The following TBC1D32 variants were observed in gnomAD, a reference collection of about 807,000 sequenced individuals.
TBC1D32 encodes TBC1 domain family member 32.
A neutral mutation model predicts 170.3 loss-of-function variants in TBC1D32; 151 were observed. That is an observed-to-expected ratio of 0.89 (90% CI 0.78 to 1.01). TBC1D32 has a LOEUF of 1.01. Among genes scored for constraint, TBC1D32 ranks in the 50% least tolerant of loss-of-function variants. The pLI is 0.00. For missense variants in TBC1D32, 1,464 were observed against 1,457.1 expected, an observed-to-expected ratio of 1.00 and a Z score of -0.08; for synonymous variants, 498 against 488.0, an observed-to-expected ratio of 1.02 and a Z score of -0.27.
chr6:121,134,692 T>C (rs1781841026), intron 24 of TBC1D32, among the ~76,000 whole-genome samples: 1 of 152,178 alleles, frequency 6.6e-6, no homozygotes, highest in Admixed American at 6.5e-5. Flanking sequence ...TATGAAATGA[T>C]GTGATATGAT....
At chr6:121,297,005 C>T (rs933381827) in intron 10 of TBC1D32, among the ~76,000 whole-genome samples, 1 of 152,064 alleles carries the variant, frequency 6.6e-6, no homozygotes, top group African/African-American at 2.4e-5. Context: ...TCACCATCCA[C>T]TTACTTACAC....
At chr6:121,154,637 C>CA (rs1368664466) in intron 24 of TBC1D32, among the ~76,000 whole-genome samples, 2 of 151,990 alleles carry the variant, frequency 1.3e-5, no homozygotes, top group African/African-American at 2.4e-5. Context: ...TAGGCTTTGG[C>CA]AAAAAACTTA....
intron 10 of TBC1D32, 62 bp downstream of exon 10, chr6:121,299,384 A>G: frequency 7.0e-7 from 1 of 1,421,702 alleles, no homozygotes; most frequent in Non-Finnish European, 9.5e-7. Flanking sequence ...TAGTCAAGTT[A>G]TTACATCATA....
intron 20 of TBC1D32, among the ~76,000 whole-genome samples, chr6:121,223,723 G>A (rs1794771575): frequency 6.6e-6 from 1 of 152,040 alleles, no homozygotes; most frequent in Non-Finnish European, 1.5e-5. Context: ...TAGGGACTCT[G>A]GGGCAAGATA....
At chr6:121,084,695 T>C (rs1462246188) in intron 31 of TBC1D32, among the ~76,000 whole-genome samples, 1 of 152,180 alleles carries the variant, frequency 6.6e-6, no homozygotes, top group Non-Finnish European at 1.5e-5. Flanking sequence ...TACTAATTTT[T>C]AGCAGAAATT....
chr6:121,103,658 C>A (rs1363454420), intron 30 of TBC1D32, among the ~76,000 whole-genome samples: 1 of 151,732 alleles, frequency 6.6e-6, no homozygotes, highest in Non-Finnish European at 1.5e-5. Context: ...GGGTGCAGAA[C>A]ACCAACATGG....
intron 22 of TBC1D32, among the ~76,000 whole-genome samples, chr6:121,178,723 C>T (rs1678647933): frequency 6.6e-6 from 1 of 152,144 alleles, no homozygotes; most frequent in Non-Finnish European, 1.5e-5. Context: ...AGATTACATT[C>T]CATAAGACTG....
At chr6:121,117,843 C>T (rs1779847894) in intron 26 of TBC1D32, among the ~76,000 whole-genome samples, 2 of 152,038 alleles carry the variant, frequency 1.3e-5, no homozygotes, top group African/African-American at 2.4e-5. Flanking sequence ...CCAAATACAT[C>T]TCAGACAACA....
chr6:121,299,374 T>C (rs1806121532), intron 10 of TBC1D32, 72 bp downstream of exon 10: 1 of 1,403,208 alleles, frequency 7.1e-7, no homozygotes, highest in Non-Finnish European at 9.6e-7. Flanking sequence ...CAACTTTGCA[T>C]AGTCAAGTTA....
At chr6:121,140,355 A>C (rs1001945312) in intron 24 of TBC1D32, among the ~76,000 whole-genome samples, 1 of 151,600 alleles carries the variant, frequency 6.6e-6, no homozygotes, top group African/African-American at 2.4e-5. Context: ...GATACTATAG[A>C]GGGATATTTA....
intron 21 of TBC1D32, among the ~76,000 whole-genome samples, chr6:121,208,932 G>A (rs1792684885): frequency 6.6e-6 from 1 of 152,076 alleles, no homozygotes; most frequent in East Asian, 1.9e-4. Flanking sequence ...TAAAAGGGGA[G>A]AGGGTGAAGA....
chr6:121,123,136 T>G (rs1168539822), intron 26 of TBC1D32, among the ~76,000 whole-genome samples: 2 of 152,120 alleles, frequency 1.3e-5, no homozygotes. Flanking sequence ...GAGCTTTCTA[T>G]TTTTCCTCAC....
At chr6:121,273,060 G>A (rs890623129) in intron 15 of TBC1D32, among the ~76,000 whole-genome samples, 1 of 151,880 alleles carries the variant, frequency 6.6e-6, no homozygotes, top group Non-Finnish European at 1.5e-5. Flanking sequence ...ATTGAACAAT[G>A]AGAACTCTTG....
intron 20 of TBC1D32, among the ~76,000 whole-genome samples, chr6:121,235,881 C>G (rs1796277528): frequency 6.6e-6 from 1 of 152,222 alleles, no homozygotes; most frequent in African/African-American, 2.4e-5. Flanking sequence ...GTCCTACCTC[C>G]TATCCACCAT....
At chr6:121,291,463 G>A (rs147191823) in intron 12 of TBC1D32, among the ~76,000 whole-genome samples, 2 of 152,052 alleles carry the variant, frequency 1.3e-5, no homozygotes, top group African/African-American at 4.8e-5. Flanking sequence ...ACAGTTTGCT[G>A]TTCCCTGCCA....
chr6:121,310,735 T>C, intron 4 of TBC1D32, 44 bp downstream of exon 4: 1 of 1,215,776 alleles, frequency 8.2e-7, no homozygotes, highest in Non-Finnish European at 1.2e-6. Context: ...ATATTGTAAA[T>C]GTATGTTATC....
At chr6:121,291,862 C>T (rs1395519976) in intron 12 of TBC1D32, among the ~76,000 whole-genome samples, 191 bp downstream of exon 12, 1 of 151,544 alleles carries the variant, frequency 6.6e-6, no homozygotes, top group Non-Finnish European at 1.5e-5. Flanking sequence ...AAAAAAAATA[C>T]ATGTAGAAAG....
intron 15 of TBC1D32, among the ~76,000 whole-genome samples, chr6:121,265,564 TA>T (rs574248224): frequency 1.4e-3 from 202 of 140,774 alleles, no homozygotes; most frequent in African/African-American, 4.8e-3. Context: ...AAAAACTACT[TA>T]AAAAAAATTC....
intron 10 of TBC1D32, among the ~76,000 whole-genome samples, chr6:121,299,054 A>T (rs1169566619): frequency 1.6e-4 from 24 of 152,096 alleles, no homozygotes; most frequent in Admixed American, 1.4e-3. Context: ...ATGCAAAAGT[A>T]TTTATCATTT....
Sources: allele counts gnomAD v4.1 joint callset (sites outside exome capture counted in the v4.1 genomes callset), GRCh38; gene constraint gnomAD v4.1.1; transcripts MANE v1.5; gene names NCBI Gene and HGNC (gene_info 2026-07-23, HGNC 2026-07-21).